PLPP1: variants seen among roughly 807,000 people sequenced by gnomAD.
PLPP1 encodes phospholipid phosphatase 1.
A neutral mutation model predicts 31.2 loss-of-function variants in PLPP1; 24 were observed. The ratio of observed to expected loss-of-function variants is 0.77; its 90% CI spans 0.56 to 1.08. The LOEUF (loss-of-function observed/expected upper bound fraction) is 1.08, where lower values mean the gene tolerates loss of function less well. PLPP1 is among the 50% of genes least tolerant of loss of function. The probability of loss-of-function intolerance (pLI) is 0.00; values close to 1 mark genes in which losing one functional copy is unlikely to be tolerated. For missense variants in PLPP1, 319 were observed against 342.7 expected, an observed-to-expected ratio of 0.93 and a Z score of 0.55; for synonymous variants, 146 against 126.3, an observed-to-expected ratio of 1.16 and a Z score of -1.05.
rs780387579 is a variant in PLPP1, at chr5:55,426,039, G to T, written c.550C>A (p.Leu184Ile). 6.4e-7 allele frequency: 1 copy of T among 1,574,336 alleles called. No homozygotes were observed. Among genetic ancestry groups the T allele is most frequent in the Non-Finnish European group, 8.6e-7 (1 of 1,167,174 alleles). ...CCCTTCATCCTGGCTTGAAGATAAA[G>T]CTAAAAGAAAAGAATAAAGAAAAAA... ...FSMYCMLFVA[L>I]YLQARMKGDW... Residue 184 changes from leucine (L) to isoleucine (I), a missense_variant and splice_region_variant, in exon 5 of 6, where the codon CTT becomes ATT. Transcript: ENST00000307259.
chr5:55,521,339 A>C (rs371769412), intron 1 of PLPP1, among the ~76,000 whole-genome samples: 20 of 100,526 alleles, frequency 2.0e-4, no homozygotes, highest in Non-Finnish European at 3.5e-4. Context: ...GTGACAGAGC[A>C]AGACTCTGTC....
chr5:55,517,738 G>C (rs1753582439), intron 1 of PLPP1, among the ~76,000 whole-genome samples: 2 of 152,310 alleles, frequency 1.3e-5, no homozygotes, highest in South Asian at 4.1e-4. Context: ...GCAAACTCTG[G>C]CCTTCCAAAG....
chr5:55,508,954 T>C (rs1421233013), intron 1 of PLPP1: 3 of 154,068 alleles, frequency 1.9e-5, no homozygotes, highest in Non-Finnish European at 2.9e-5. Flanking sequence ...GAGCTTTTAA[T>C]AGAGTAGAAA....
At chr5:55,478,259 A>C (rs994454734) in intron 1 of PLPP1, among the ~76,000 whole-genome samples, 1 of 152,354 alleles carries the variant, frequency 6.6e-6, no homozygotes, top group Non-Finnish European at 1.5e-5. Flanking sequence ...ATAAAACCCC[A>C]TACAAAGGAT....
intron 1 of PLPP1, among the ~76,000 whole-genome samples, chr5:55,527,777 C>A (rs1456921228): frequency 6.6e-6 from 1 of 152,124 alleles, no homozygotes; most frequent in Non-Finnish European, 1.5e-5. Flanking sequence ...GTTATTAGAA[C>A]CCAGAAAGAT....
At position 55,468,143 on chromosome 5, in the gene PLPP1, G is replaced by T; in HGVS notation, c.217C>A (p.Leu73Ile). ...CAGTAAACAGACAGGGTTTCTCCAA[G>T]AATAATCTGAAAAAGAAACAGAAAA... Reference protein sequence around the residue: ...IIPFSIIVIILGETLSVYCNL... With the variant: ...IIPFSIIVIIIGETLSVYCNL... Residue 73 changes from leucine to isoleucine, a missense_variant, in exon 3 of 6, where the codon CTT becomes ATT. Transcript: ENST00000307259. The T allele has an allele frequency of 5.7e-6, 9 of 1,571,256 alleles. No individual in the cohort carries two copies. The highest frequency in any genetic ancestry group is 1.2e-5 in the South Asian group (1 of 85,138).
chr5:55,486,203 TG>T (rs1339594829), intron 1 of PLPP1, among the ~76,000 whole-genome samples: 6 of 152,214 alleles, frequency 3.9e-5, no homozygotes, highest in Non-Finnish European at 8.8e-5. Context: ...TTATATTTCT[TG>T]GCAATTTTCT....
intron 3 of PLPP1, among the ~76,000 whole-genome samples, chr5:55,448,697 C>G (rs1283922707): frequency 6.6e-6 from 1 of 152,108 alleles, no homozygotes; most frequent in Non-Finnish European, 1.5e-5. Flanking sequence ...ATCCACCCAC[C>G]TCAGCCTCCC....
chr5:55,425,481 CTG>C lies in PLPP1; in HGVS notation c.727-149_727-148del, dbSNP rs1409118557. 5.6e-6 allele frequency: 4 copies of C among 709,690 alleles called. No individual in the cohort carries two copies. In the South Asian group the frequency reaches 1.2e-4, roughly 22 times the overall value. The allele number at this position is 709,690 out of a possible 1,614,324, so 44.0% of individuals were successfully genotyped here. ...AAGCATATAAAAAATTAGAGACTAA[CTG>C]GGATTTTTTAAAGATTATTCCAAAT... is the stretch of plus-strand genomic sequence containing the variant. On this transcript the variant is annotated intron_variant, in intron 5 of 5. Transcript: ENST00000307259.
intron 1 of PLPP1, chr5:55,530,213 T>A: frequency 2.2e-6 from 3 of 1,380,360 alleles, no homozygotes; most frequent in East Asian, 2.3e-5. Context: ...TTTCTTCATC[T>A]AGCTGAAGAT....
In PLPP1 at chr5:55,452,450, C is replaced by T. The variant is rs78650669; in HGVS notation, c.492-10542G>A. On this transcript the variant is annotated intron_variant, in intron 3 of 5. Transcript: ENST00000307259. ...CAAGCAGATGTTGGTGCCATGCTTACACAGCCTATAGAACCATAAGCCAAA... is the reference window on the plus strand; with the variant it reads ...CAAGCAGATGTTGGTGCCATGCTTATACAGCCTATAGAACCATAAGCCAAA... Among the ~76,000 whole-genome samples the T allele has an allele frequency of 6.3e-3, 962 of 152,288 alleles. 15 individuals are homozygous for T. Among genetic ancestry groups the T allele is most frequent in the African/African-American group, 0.021 (856 of 41,546 alleles).
At chr5:55,445,204 C>A (rs1157702936) in intron 3 of PLPP1, among the ~76,000 whole-genome samples, 3 of 152,190 alleles carry the variant, frequency 2.0e-5, no homozygotes, top group Non-Finnish European at 4.4e-5. Flanking sequence ...CGCCTGCCCC[C>A]ATGCATGTGA....
At chr5:55,508,470 T>C (rs1398560012) in intron 1 of PLPP1, among the ~76,000 whole-genome samples, 5 of 152,182 alleles carry the variant, frequency 3.3e-5, no homozygotes, top group East Asian at 1.9e-4. Flanking sequence ...ACTTAAGTCA[T>C]TGCCTAGAAC....
chr5:55,428,002 G>T (rs1263876611), intron 4 of PLPP1, among the ~76,000 whole-genome samples: 1 of 151,998 alleles, frequency 6.6e-6, no homozygotes, highest in Non-Finnish European at 1.5e-5. Context: ...GGCCAGGCTG[G>T]TCTCAAACTC....
chr5:55,469,741 G>A (rs986352325), intron 2 of PLPP1, among the ~76,000 whole-genome samples: 10 of 152,096 alleles, frequency 6.6e-5, no homozygotes, highest in East Asian at 1.9e-4. Context: ...GTTGCTTCCC[G>A]AAAGGGATTT....
At position 55,444,398 on chromosome 5, in the gene PLPP1, T is replaced by A. The variant is rs578133805; in HGVS notation, c.492-2490A>T. ...GCCCGGCCCCAAATGCAGTTTGTTT[T>A]CATCATAGTGACTTCACTGAAATGT... On this transcript the variant is annotated intron_variant, in intron 3 of 5. Transcript: ENST00000307259. Among the ~76,000 whole-genome samples, 74 of 152,250 alleles carry A rather than the reference T, an allele frequency of 4.9e-4. 1 individual carries two copies. Among genetic ancestry groups the A allele is most frequent in the Admixed American group, 3.6e-3 (55 of 15,306 alleles).
At chr5:55,455,208 C>A (rs951774017) in intron 3 of PLPP1, among the ~76,000 whole-genome samples, 1 of 151,894 alleles carries the variant, frequency 6.6e-6, no homozygotes, top group South Asian at 2.1e-4. Context: ...CTAAAACATA[C>A]ACAATTTAAA....
Position 55,444,743 on chromosome 5 carries a change from T to TTGTGTGTGTGTGTGTGTGTGTGTGTGTG in PLPP1, c.492-2863_492-2836dup, listed in dbSNP as rs1554037412. Among the ~76,000 whole-genome samples, 297 of 137,360 alleles carry TTGTGTGTGTGTGTGTGTGTGTGTGTGTG rather than the reference T, an allele frequency of 2.2e-3. 2 individuals carry two copies. The highest frequency in any genetic ancestry group is 7.8e-3 in the African/African-American group (289 of 37,118). 90.1% of individuals were successfully genotyped at this position (137,360 alleles called of 152,430 possible). A position where few individuals can be genotyped will look rare whatever the true frequency, so the allele number is the denominator to read the frequency against. On this transcript the variant is annotated intron_variant, in intron 3 of 5. Coordinates refer to ENST00000307259, the MANE Select transcript of PLPP1 (RefSeq NM_003711.4). Reference sequence around the variant, plus strand: ...AAATCACTATGAATGGGATTCTATTTTGTGTGTGTGTGTGTGTGTGTGTGT... The same window carrying TTGTGTGTGTGTGTGTGTGTGTGTGTGTG: ...AAATCACTATGAATGGGATTCTATTTTGTGTGTGTGTGTGTGTGTGTGTGTGTGTGTGTGTGTGTGTGTGTGTGTGTGT...
intron 1 of PLPP1, among the ~76,000 whole-genome samples, chr5:55,522,267 G>A (rs1013193385): frequency 6.6e-6 from 1 of 152,192 alleles, no homozygotes; most frequent in Non-Finnish European, 1.5e-5. Context: ...AACGCTATTT[G>A]AAGAAAAAGT....
Sources: allele counts gnomAD v4.1 joint callset (sites outside exome capture counted in the v4.1 genomes callset), GRCh38; gene constraint gnomAD v4.1.1; transcripts MANE v1.5; gene names NCBI Gene and HGNC (gene_info 2026-07-23, HGNC 2026-07-21).